Variants in OR1J2 observed in about 807,000 individuals in gnomAD.
OR1J2 encodes olfactory receptor family 1 subfamily J member 2, also known as olfactory receptor 1J2.
For synonymous variants in OR1J2, 142 were observed against 99.7 expected (o/e 1.42, Z -2.52); for missense variants, 304 against 246.1 (o/e 1.24, Z -1.57).
At chr9:122,475,089 G>A in the OR1J2 span, 1 of 152,014 alleles carries the variant, frequency 6.6e-6, no homozygotes, top group Non-Finnish European at 1.5e-5. Flanking sequence ...TGAATACTTG[G>A]CAGGACAACA....
chr9:122,563,878 C>G, the OR1J2 span, among the ~76,000 whole-genome samples: 16 of 152,152 alleles, frequency 1.1e-4, no homozygotes, highest in Non-Finnish European at 1.3e-4. Flanking sequence ...GTGCTTTTCC[C>G]AATGTGTATT....
At chr9:122,511,839 G>T (rs1828644707), downstream of OR1J2, 1 of 689,730 alleles carries the variant, frequency 1.4e-6, no homozygotes, top group Non-Finnish European at 2.7e-6. Flanking sequence ...ATGTCCTGAA[G>T]CCCTAAGACA....
downstream of OR1J2, among the ~76,000 whole-genome samples, chr9:122,513,092 C>T (rs1301972290): frequency 6.6e-6 from 1 of 152,162 alleles, no homozygotes; most frequent in East Asian, 1.9e-4. Flanking sequence ...AAATGGCTCA[C>T]TTCATTTGCC....
the OR1J2 span, chr9:122,476,950 C>T: frequency 4.3e-4 from 499 of 1,147,904 alleles, no homozygotes; most frequent in Non-Finnish European, 4.8e-4. Context: ...TCAGGTGATC[C>T]GTCTGCCTCA....
At chr9:122,475,279 CCA>C in the OR1J2 span, 3 of 152,164 alleles carry the variant, frequency 2.0e-5, no homozygotes, top group Admixed American at 2.0e-4. Context: ...ACTGGGATCC[CCA>C]GTTATTTTAT....
At chr9:122,513,889 T>C (rs1408850745), downstream of OR1J2, among the ~76,000 whole-genome samples, 1 of 152,188 alleles carries the variant, frequency 6.6e-6, no homozygotes, top group African/African-American at 2.4e-5. Context: ...GATATTAAAG[T>C]AGCCTTGATC....
At chr9:122,471,626 C>A in the OR1J2 span, among the ~76,000 whole-genome samples, 9 of 152,304 alleles carry the variant, frequency 5.9e-5, no homozygotes, top group African/African-American at 2.2e-4. Context: ...GATGCCCTAA[C>A]CATGATCAAA....
At chr9:122,534,847 C>T in the OR1J2 span, among the ~76,000 whole-genome samples, 3 of 152,186 alleles carry the variant, frequency 2.0e-5, no homozygotes, top group African/African-American at 7.2e-5. Context: ...GCACCTCAGA[C>T]CATTTGCCCA....
At chr9:122,477,720 A>G in the OR1J2 span, 2 of 1,614,216 alleles carry the variant, frequency 1.2e-6, no homozygotes, top group Admixed American at 1.7e-5. Flanking sequence ...AGGAGATGTC[A>G]GTGAGGGCCA....
the OR1J2 span, among the ~76,000 whole-genome samples, chr9:122,453,446 ACTC>A: frequency 6.6e-6 from 1 of 152,074 alleles, no homozygotes; most frequent in Non-Finnish European, 1.5e-5. Flanking sequence ...CCCTCTTAGT[ACTC>A]TGGACCAATG....
the OR1J2 span, chr9:122,477,378 G>A: frequency 3.0e-5 from 48 of 1,614,038 alleles, no homozygotes; most frequent in African/African-American, 4.0e-5. Context: ...ACTTGAGCAG[G>A]GCACCAAGGT....
the OR1J2 span, among the ~76,000 whole-genome samples, chr9:122,487,879 A>AT: frequency 1.4e-4 from 22 of 152,060 alleles, no homozygotes; most frequent in East Asian, 1.2e-3. Context: ...TTATGTACAG[A>AT]TTTTTTTTAT....
the OR1J2 span, among the ~76,000 whole-genome samples, chr9:122,464,069 G>A: frequency 1.3e-5 from 2 of 152,216 alleles, no homozygotes; most frequent in South Asian, 4.1e-4. Flanking sequence ...GTAGGGGCAG[G>A]GTTAGGCATG....
the OR1J2 span, among the ~76,000 whole-genome samples, chr9:122,577,292 C>T: frequency 2.0e-5 from 3 of 152,216 alleles, no homozygotes; most frequent in African/African-American, 7.2e-5. Flanking sequence ...TTAGAAAAGT[C>T]TCCAAATTGG....
At chr9:122,531,669 T>C in the OR1J2 span, among the ~76,000 whole-genome samples, 3 of 152,216 alleles carry the variant, frequency 2.0e-5, no homozygotes, top group Admixed American at 1.3e-4. Context: ...AAAAGACCAT[T>C]AGTCTGTTCT....
At chr9:122,560,514 C>T in the OR1J2 span, among the ~76,000 whole-genome samples, 2 of 152,118 alleles carry the variant, frequency 1.3e-5, no homozygotes, top group African/African-American at 4.8e-5. Context: ...TCTTGCAAGG[C>T]AGGCCTGGTG....
At chr9:122,567,261 A>G in the OR1J2 span, 12 of 269,010 alleles carry the variant, frequency 4.5e-5, no homozygotes. Context: ...TGTTTAGGAA[A>G]TATTCATGGG....
chr9:122,511,481 G>C lies in OR1J2; in HGVS notation c.680G>C (p.Arg227Thr). Residue 227 changes from arginine to threonine, a missense_variant, in exon 1 of 1, where the codon AGG becomes ACG. Transcript: ENST00000335302. ...SYGYIGATIL[R>T]VPSTKGIHKA... ...GGCTACATTGGGGCCACCATCCTGA[G>C]GGTCCCTTCAACCAAAGGGATCCAC... The C allele has an allele frequency of 1.3e-6, 1 of 780,810 alleles. No individual in the cohort carries two copies. The allele number at this position is 780,810 out of a possible 1,614,324, so 48.4% of individuals were successfully genotyped here. A position where few individuals can be genotyped will look rare whatever the true frequency, so the allele number is the denominator to read the frequency against.
the OR1J2 span, among the ~76,000 whole-genome samples, chr9:122,480,012 T>C: frequency 6.6e-6 from 1 of 152,206 alleles, no homozygotes; most frequent in East Asian, 1.9e-4. Context: ...AAAGTAATTT[T>C]AACAGGAATT....
Sources: allele counts gnomAD v4.1 joint callset (sites outside exome capture counted in the v4.1 genomes callset), GRCh38; gene constraint gnomAD v4.1.1; transcripts MANE v1.5; gene names NCBI Gene and HGNC (gene_info 2026-07-23, HGNC 2026-07-21).